Variants in CCDC39 observed in about 807,000 individuals in gnomAD.
CCDC39 encodes coiled-coil domain 39 molecular ruler complex subunit.
A neutral mutation model predicts 121.0 loss-of-function variants in CCDC39; 113 were observed. The observed-to-expected ratio is 0.93, with a 90% CI of 0.80 to 1.09. The LOEUF (loss-of-function observed/expected upper bound fraction) is 1.09. CCDC39 is among the 50% of genes least tolerant of loss of function. The pLI is 0.00. For synonymous variants in CCDC39, 349 were observed against 352.2 expected (o/e 0.99, Z 0.10); for missense variants, 1,063 against 1,074.7 (o/e 0.99, Z 0.15).
Position 180,638,879 on chromosome 3 carries a change from C to T in CCDC39, c.1874+3114G>A, listed in dbSNP as rs140011878. On this transcript the variant is annotated intron_variant, in intron 13 of 19. Coordinates refer to ENST00000476379, the MANE Select transcript of CCDC39 (RefSeq NM_181426.2). ...GCAGGAAAGACAGAAATAATGAATA[C>T]ATGGCAATTTCTTAATGTTTCCTGA... Among the ~76,000 whole-genome samples, 255 of 152,100 alleles carry T rather than the reference C, an allele frequency of 1.7e-3. 5 individuals are homozygous for T. In the East Asian group the frequency reaches 0.038, roughly 23 times the overall value.
chr3:180,658,608 AG>A (rs1305273014), intron 6 of CCDC39, among the ~76,000 whole-genome samples: 1 of 151,712 alleles, frequency 6.6e-6, no homozygotes, highest in African/African-American at 2.4e-5. Flanking sequence ...AAAAAAAAAA[AG>A]AGAGAATTAA....
chr3:180,652,320 T>G, intron 7 of CCDC39, 54 bp from the exon 8 acceptor site: 1 of 1,094,854 alleles, frequency 9.1e-7, no homozygotes, highest in Non-Finnish European at 1.3e-6. Context: ...TCTTATAACT[T>G]ATTTCATTTC....
chr3:180,676,692 G>A (rs1286786955), intron 1 of CCDC39, among the ~76,000 whole-genome samples: 9 of 152,078 alleles, frequency 5.9e-5, no homozygotes, highest in African/African-American at 1.9e-4. Context: ...ACATGCACAC[G>A]TATGTTTATT....
chr3:180,634,523 GCCACAACCACTA>G (rs1244935510), intron 13 of CCDC39, among the ~76,000 whole-genome samples: 1 of 152,094 alleles, frequency 6.6e-6, no homozygotes, highest in Non-Finnish European at 1.5e-5. Flanking sequence ...AAGACCCTCA[GCCACAACCACTA>G]CTAAGGTACC....
rs756235547 is a variant in CCDC39, at chr3:180,659,582, T to C, written c.610-2A>G. On this transcript the variant is annotated splice_acceptor_variant, in intron 5 of 19. Transcript: ENST00000476379. LOFTEE classifies it high-confidence loss of function. ...TTGTGCTGCTTTATCCAATTCTAAC[T>C]GTCAAACAGAGAGCAAAGAACATTT... 1.1e-4 allele frequency: 173 copies of C among 1,610,186 alleles called. No homozygotes were observed. The highest frequency in any genetic ancestry group is 1.4e-4 in the Non-Finnish European group (169 of 1,178,342).
intron 14 of CCDC39, among the ~76,000 whole-genome samples, chr3:180,628,381 G>A (rs548875427): frequency 6.6e-6 from 1 of 152,148 alleles, no homozygotes; most frequent in South Asian, 2.1e-4. Context: ...CTAATTTTTT[G>A]TATTTTTAGT....
rs764829108 is a variant in CCDC39 at position 180,616,959 on chromosome 3, T to C, written c.2273A>G (p.Glu758Gly). The C allele has an allele frequency of 7.3e-7, 1 of 1,376,288 alleles. No homozygotes were observed. The highest frequency in any genetic ancestry group is 9.9e-7 in the Non-Finnish European group (1 of 1,008,138). The allele number at this position is 1,376,288 out of a possible 1,614,324, so 85.3% of individuals were successfully genotyped here. A position where few individuals can be genotyped will look rare whatever the true frequency, so the allele number is the denominator to read the frequency against. The stretch of plus-strand genomic sequence containing the variant: ...ATGTTCTATAACATCTAATGTATTT[T>C]CCATGCTCTGTAGAAAAAATATTAA... ...RELQEDIQSM[E>G]NTLDVIEHLA... Residue 758 changes from glutamate to glycine, a missense_variant, in exon 17 of 20, where the codon GAA becomes GGA. Glu to Gly is a moderately conservative substitution (Grantham distance 98). Transcript: ENST00000476379.
At chr3:180,631,830 T>C (rs1717705151) in intron 13 of CCDC39, among the ~76,000 whole-genome samples, 2 of 152,250 alleles carry the variant, frequency 1.3e-5, no homozygotes, top group South Asian at 4.1e-4. Context: ...TTTAATTTAA[T>C]AATTCAGTGT....
rs1348126553 is a variant in CCDC39 at position 180,642,153 on chromosome 3, G to A, written c.1714C>T (p.Arg572Ter). ...TCTGCCTTACTGTGAAGCATTTCTC[G>A]AGTACGCTTAACTTCAAGTTTTAAA... Reference protein sequence around the residue: ...NLLKLEVKRTREMLHSKAEEV... With the variant: ...NLLKLEVKRT The change falls in exon 13 of 20, where the codon CGA (arginine) becomes TGA (stop). Residue 572 changes from arginine (R) to a stop codon, truncating the protein, a stop_gained. Transcript: ENST00000476379. LOFTEE classifies it high-confidence loss of function. 6.2e-7 allele frequency: 1 copy of A among 1,610,484 alleles called. No individual in the cohort carries two copies. Among genetic ancestry groups the A allele is most frequent in the Non-Finnish European group, 8.5e-7 (1 of 1,177,818 alleles).
chr3:180,616,866 GT>G lies in CCDC39; in HGVS notation c.2365del (p.Thr789ArgfsTer8). On this transcript the variant is annotated frameshift_variant, in exon 17 of 20. Transcript: ENST00000476379. LOFTEE classifies it high-confidence loss of function. ...QAYSFQLSKE[T>X]EEQKPKLERV... is the part of the protein sequence containing the mutation. The stretch of plus-strand genomic sequence containing the variant: ...TTCTAATTTTGGCTTCTGCTCCTCC[GT>G]TTCTTTACTTAGTTGAAATGAATAA... 1.9e-6 allele frequency: 3 copies of G among 1,605,470 alleles called. No individual in the cohort carries two copies. The South Asian group carries it at 3.3e-5, about 18-fold the overall frequency.
At chr3:180,624,260 A>G (rs1717501353) in intron 14 of CCDC39, among the ~76,000 whole-genome samples, 1 of 152,028 alleles carries the variant, frequency 6.6e-6, no homozygotes, top group African/African-American at 2.4e-5. Context: ...TTTGGTTTCC[A>G]TGGAATGTCT....
At chr3:180,646,944 G>T in intron 11 of CCDC39, 135 bp downstream of exon 11, 1 of 725,474 alleles carries the variant, frequency 1.4e-6, no homozygotes, top group East Asian at 2.7e-5. Context: ...ACAAAAATAA[G>T]AACATTGTTC....
At chr3:180,625,216 CTT>C (rs1467042345) in intron 14 of CCDC39, among the ~76,000 whole-genome samples, 1 of 150,758 alleles carries the variant, frequency 6.6e-6, no homozygotes, top group Non-Finnish European at 1.5e-5. Context: ...CTTGTTCACT[CTT>C]TTTTATTCTT....
intron 14 of CCDC39, among the ~76,000 whole-genome samples, chr3:180,624,302 C>T (rs2108409082): frequency 6.6e-6 from 1 of 152,076 alleles, no homozygotes; most frequent in South Asian, 2.1e-4. Context: ...GTATATATGT[C>T]TTTTCCAATA....
chr3:180,618,815 CA>C (rs1426819174), intron 16 of CCDC39, among the ~76,000 whole-genome samples: 1 of 152,006 alleles, frequency 6.6e-6, no homozygotes. Flanking sequence ...CATTGTTGGA[CA>C]TTTGGGTTGG....
chr3:180,652,734 A>G (rs2108425144), intron 7 of CCDC39, among the ~76,000 whole-genome samples: 1 of 152,146 alleles, frequency 6.6e-6, no homozygotes, highest in Non-Finnish European at 1.5e-5. Context: ...TAAGATACAA[A>G]TTTTCTTTTT....
chr3:180,625,065 ACT>A, intron 14 of CCDC39, among the ~76,000 whole-genome samples: 1 of 151,754 alleles, frequency 6.6e-6, no homozygotes, highest in East Asian at 1.9e-4. Flanking sequence ...TCGGCGTCTA[ACT>A]CTCTTACTAG....
chr3:180,640,375 C>T (rs574368034), intron 13 of CCDC39, among the ~76,000 whole-genome samples: 3 of 151,640 alleles, frequency 2.0e-5, no homozygotes, highest in South Asian at 4.2e-4. Flanking sequence ...AATTAATGAG[C>T]TAAGCATCTG....
intron 1 of CCDC39, among the ~76,000 whole-genome samples, chr3:180,677,884 T>C (rs908371801): frequency 3.3e-5 from 5 of 152,148 alleles, no homozygotes; most frequent in Non-Finnish European, 5.9e-5. Flanking sequence ...ATCTTAAATT[T>C]ACAGGAGTTG....
Sources: gnomAD v4.1 joint callset for allele counts (sites outside exome capture counted in the v4.1 genomes callset) on GRCh38, gnomAD v4.1.1 for gene constraint, MANE v1.5 for transcripts, NCBI Gene and HGNC (gene_info 2026-07-23, HGNC 2026-07-21) for gene names.